Variants in IGF1R observed in about 807,000 individuals in gnomAD.
IGF1R encodes insulin-like growth factor 1 receptor.
Under a neutral mutation model 144.6 loss-of-function variants are expected in IGF1R, and 44 were observed. That is an observed-to-expected ratio of 0.30 (90% CI 0.24 to 0.39). The LOEUF (loss-of-function observed/expected upper bound fraction) is 0.39. Ranked by LOEUF, IGF1R falls within the 10% of genes least tolerant of loss-of-function variation. IGF1R has a pLI of 1.00. For synonymous variants in IGF1R, 795 were observed against 722.8 expected (o/e 1.10, Z -1.60); for missense variants, 1,355 against 1,833.7 (o/e 0.74, Z 4.77).
intron 2 of IGF1R, among the ~76,000 whole-genome samples, chr15:98,719,644 C>T (rs1401630172): frequency 6.6e-6 from 1 of 152,156 alleles, no homozygotes; most frequent in Non-Finnish European, 1.5e-5. Context: ...TAATTGGCTT[C>T]GAGGTGTACT....
chr15:98,911,527 T>C lies in IGF1R; in HGVS notation c.1589+86T>C, dbSNP rs1016666126. 4 of 1,570,800 alleles carry C rather than the reference T, an allele frequency of 2.5e-6. No individual in the cohort carries two copies. The African/African-American group carries it at 5.4e-5, about 21-fold the overall frequency. ...TCTTTCGATCCTTGAATGGGCTGGC[T>C]GAATACAGGGGGTCAGCAGAGTCCC... is the stretch of plus-strand genomic sequence containing the variant. On this transcript the variant is annotated intron_variant, in intron 7 of 20. Transcript: ENST00000650285.
chr15:98,879,576 G>A (rs2013263841), intron 2 of IGF1R, among the ~76,000 whole-genome samples: 1 of 152,244 alleles, frequency 6.6e-6, no homozygotes, highest in East Asian at 1.9e-4. Flanking sequence ...TGGTATCAAA[G>A]AATGGCACAA....
intron 2 of IGF1R, among the ~76,000 whole-genome samples, chr15:98,817,561 C>T (rs1482090707): frequency 6.6e-6 from 1 of 151,908 alleles, no homozygotes; most frequent in Non-Finnish European, 1.5e-5. Context: ...GAAGGTCCAG[C>T]CATGGGAAGT....
chr15:98,684,285 A>G (rs375382314), intron 1 of IGF1R, among the ~76,000 whole-genome samples: 5 of 152,050 alleles, frequency 3.3e-5, no homozygotes, highest in East Asian at 1.9e-4. Flanking sequence ...TATGTTTATC[A>G]CAGCTGGAAA....
At position 98,756,932 on chromosome 15, in the gene IGF1R, T is replaced by G. The variant is rs547309877; in HGVS notation, c.640+48825T>G. ...TACCTTTTGATATTGTTTATATGAT[T>G]TATGAATGCAGCTCTGAGGTATCTG... On this transcript the variant is annotated intron_variant, in intron 2 of 20. Coordinates refer to ENST00000650285, the MANE Select transcript of IGF1R (RefSeq NM_000875.5). Among the ~76,000 whole-genome samples the G allele has an allele frequency of 6.1e-3, 925 of 152,326 alleles. 13 individuals carry two copies. Among genetic ancestry groups the G allele is most frequent in the Non-Finnish European group, 4.8e-3 (329 of 68,030 alleles).
chr15:98,714,929 T>C (rs754283822), intron 2 of IGF1R, among the ~76,000 whole-genome samples: 2 of 152,298 alleles, frequency 1.3e-5, no homozygotes, highest in Admixed American at 6.5e-5. Flanking sequence ...AAGACGATCA[T>C]GACACAGGCT....
chr15:98,665,953 AT>A (rs1361613605), intron 1 of IGF1R, among the ~76,000 whole-genome samples: 1 of 152,222 alleles, frequency 6.6e-6, no homozygotes, highest in Non-Finnish European at 1.5e-5. Context: ...CTATGGTGGT[AT>A]TTGCAAGGAA....
chr15:98,675,509 A>G (rs2053012984), intron 1 of IGF1R, among the ~76,000 whole-genome samples: 1 of 152,182 alleles, frequency 6.6e-6, no homozygotes, highest in South Asian at 2.1e-4. Flanking sequence ...TCCATACTCC[A>G]CCAGAATTGA....
At chr15:98,787,543 A>AAGCAGATG (rs2056027244) in intron 2 of IGF1R, among the ~76,000 whole-genome samples, 1 of 152,130 alleles carries the variant, frequency 6.6e-6, no homozygotes, top group Non-Finnish European at 1.5e-5. Context: ...GACCTTTGGG[A>AAGCAGATG]AGCAGATGTA....
At chr15:98,945,043 G>A (rs1057326620) in intron 19 of IGF1R, among the ~76,000 whole-genome samples, 7 of 152,132 alleles carry the variant, frequency 4.6e-5, no homozygotes, top group Non-Finnish European at 8.8e-5. Context: ...CAGGCCCTTG[G>A]GCACTGTGGC....
In IGF1R at chr15:98,957,202, CGAGCCGGAG is replaced by C. The variant is rs2017028639; in HGVS notation, c.3869_3877del (p.Pro1290_Glu1292del). ...ACTACAGCGAGGAGAACAAGCTGCC[CGAGCCGGAG>C]GAGCTGGACCTGGAGCCAGAGAACA... On this transcript the variant is annotated inframe_deletion, in exon 21 of 21. Coordinates refer to ENST00000650285, the MANE Select transcript of IGF1R (RefSeq NM_000875.5). The C allele has an allele frequency of 6.2e-7, 1 of 1,614,200 alleles. No homozygotes were observed.
chr15:98,690,084 A>G (rs751606043), intron 1 of IGF1R, among the ~76,000 whole-genome samples: 16 of 152,176 alleles, frequency 1.1e-4, no homozygotes, highest in Non-Finnish European at 1.9e-4. Flanking sequence ...GCTCATGCCT[A>G]TAATTCCAGC....
rs1459681972 is a variant in IGF1R, at chr15:98,958,541, C to G, written c.*1099C>G. The G allele has an allele frequency of 1.7e-5, 4 of 231,974 alleles. No individual in the cohort carries two copies. The highest frequency in any genetic ancestry group is 8.8e-5 in the African/African-American group (4 of 45,266). The allele number at this position is 231,974 out of a possible 1,614,324, so 14.4% of individuals were successfully genotyped here. On this transcript the variant is annotated 3_prime_UTR_variant, in exon 21 of 21. Coordinates refer to ENST00000650285, the MANE Select transcript of IGF1R (RefSeq NM_000875.5). ...TAAGAAGAAAAGCAGTCAATGGATT[C>G]AAGCATTCTAAGCTTTGTTGACATT...
intron 19 of IGF1R, 34 bp downstream of exon 19, chr15:98,943,086 G>A (rs944224527): frequency 1.2e-6 from 2 of 1,613,232 alleles, no homozygotes; most frequent in African/African-American, 1.3e-5. Flanking sequence ...CCAGCCTGGA[G>A]CCCCCAGCCT....
At chr15:98,788,459 T>C (rs2056057018) in intron 2 of IGF1R, among the ~76,000 whole-genome samples, 1 of 152,248 alleles carries the variant, frequency 6.6e-6, no homozygotes, top group South Asian at 2.1e-4. Flanking sequence ...CTCTGAGCCC[T>C]GTCACTTACC....
At chr15:98,846,436 A>T (rs2011330819) in intron 2 of IGF1R, among the ~76,000 whole-genome samples, 1 of 152,242 alleles carries the variant, frequency 6.6e-6, no homozygotes, top group South Asian at 2.1e-4. Flanking sequence ...CAAGCTTAAT[A>T]GGTCTTTACT....
chr15:98,924,443 C>T, intron 12 of IGF1R, 82 bp from the exon 13 acceptor site: 1 of 1,318,752 alleles, frequency 7.6e-7, no homozygotes, highest in East Asian at 2.3e-5. Flanking sequence ...AGCTGGAGTC[C>T]CCAGTGTGGT....
intron 10 of IGF1R, 112 bp from the exon 11 acceptor site, chr15:98,922,036 C>A: frequency 1.7e-6 from 2 of 1,165,260 alleles, no homozygotes; most frequent in African/African-American, 1.5e-5. Flanking sequence ...TAAGGGGGCT[C>A]AATAGCTCCT....
intron 5 of IGF1R, among the ~76,000 whole-genome samples, chr15:98,905,132 T>C (rs1217325633): frequency 1.3e-5 from 2 of 152,160 alleles, no homozygotes; most frequent in Non-Finnish European, 2.9e-5. Flanking sequence ...GATGGAGTGC[T>C]CTGAACCGTG....
Sources: gnomAD v4.1 joint callset for allele counts (sites outside exome capture counted in the v4.1 genomes callset) on GRCh38, gnomAD v4.1.1 for gene constraint, MANE v1.5 for transcripts, NCBI Gene and HGNC (gene_info 2026-07-23, HGNC 2026-07-21) for gene names.